Variants in IFNA6 observed in about 807,000 individuals in gnomAD.
IFNA6 encodes interferon alpha-6.
For missense variants in IFNA6, 235 were observed against 212.4 expected (o/e 1.11, Z -0.66); for synonymous variants, 96 against 79.2 (o/e 1.21, Z -1.13).
At chr9:21,350,637 A>G in exon 1 of IFNA6, 1 of 1,614,056 alleles carries the variant, frequency 6.2e-7, no homozygotes, top group South Asian at 1.1e-5. Flanking sequence ...GGTCTGCTGA[A>G]TCACCTCATG....
rs1489813267 is a variant in IFNA6, at chr9:21,350,571, T to C, written c.317A>G (p.Asp106Gly). Residue 106 changes from aspartate to glycine, a missense_variant, in exon 1 of 1, where the codon GAC becomes GGC. Physicochemically the swap from Asp to Gly is moderately conservative, Grantham distance 94 (BLOSUM62 -1). Transcript: ENST00000380210. The stretch of plus-strand genomic sequence containing the variant: ...CTGGTAAAGTTCAGTATAGAGTTTG[T>C]CTAGAAGCCTCTCATCCCAAGCAAC... 4 of 1,613,854 alleles carry C rather than the reference T, an allele frequency of 2.5e-6. No individual in the cohort carries two copies. In the Admixed American group the frequency reaches 5.0e-5, roughly 20 times the overall value.
At chr9:21,350,521 C>T (rs773906390) in exon 1 of IFNA6, 1 of 1,614,030 alleles carries the variant, frequency 6.2e-7, no homozygotes, top group South Asian at 1.1e-5. Flanking sequence ...TCCTGCATCA[C>T]ACAGGCTTCC....
exon 1 of IFNA6, chr9:21,350,868 A>G (rs1350425406): frequency 1.9e-6 from 3 of 1,613,762 alleles, no homozygotes; most frequent in Non-Finnish European, 2.5e-6. Flanking sequence ...GGCCATCAGT[A>G]AAGCAAAAGG....
At position 21,350,776 on chromosome 9, in the gene IFNA6, T is replaced by C. The variant is rs780824980; in HGVS notation, c.112A>G (p.Met38Val). The C allele has an allele frequency of 2.4e-5, 38 of 1,614,002 alleles. No individual in the cohort carries two copies. The East Asian group carries it at 7.4e-4, about 31-fold the overall frequency. Residue 38 changes from methionine (M) to valine (V), a missense_variant, in exon 1 of 1, where the codon ATG (methionine) becomes GTG (valine). Met to Val is a conservative substitution (Grantham distance 21, BLOSUM62 1). Transcript: ENST00000380210. ...CTCCTCATTTGTGCCAGGAGCATCA[T>C]GGTCCTCCTGTGACCCAGGCTGTGG...
chr9:21,350,630 C>A, exon 1 of IFNA6: 1 of 1,614,018 alleles, frequency 6.2e-7, no homozygotes, highest in Non-Finnish European at 8.5e-7. Context: ...GGTTGAAGGT[C>A]TGCTGAATCA....
exon 1 of IFNA6, chr9:21,350,454 T>A (rs1332778052): frequency 6.2e-7 from 1 of 1,614,038 alleles, no homozygotes; most frequent in South Asian, 1.1e-5. Context: ...TTGGAAGTAT[T>A]TTCTCACAGC....
chr9:21,350,365 A>G, exon 1 of IFNA6: 1 of 1,613,728 alleles, frequency 6.2e-7, no homozygotes, highest in Non-Finnish European at 8.5e-7. Context: ...GATGAAGAGA[A>G]GGATCTCATG....
exon 1 of IFNA6, chr9:21,350,434 G>A: frequency 6.2e-7 from 1 of 1,614,034 alleles, no homozygotes; most frequent in East Asian, 2.2e-5. Flanking sequence ...GTCAGGTAGA[G>A]AGTGATTCTT....
exon 1 of IFNA6, chr9:21,350,476 C>T (rs1820436154): frequency 6.2e-7 from 1 of 1,614,042 alleles, no homozygotes; most frequent in Non-Finnish European, 8.5e-7. Context: ...AGGATGGAGT[C>T]CTCATTCATC....
chr9:21,350,551 A>G, exon 1 of IFNA6: 1 of 1,613,984 alleles, frequency 6.2e-7, no homozygotes, highest in Non-Finnish European at 8.5e-7. Context: ...AGCTGCTGGT[A>G]AAGTTCAGTA....
At chr9:21,350,849 C>T in exon 1 of IFNA6, 1 of 1,613,878 alleles carries the variant, frequency 6.2e-7, no homozygotes, top group Non-Finnish European at 8.5e-7. Flanking sequence ...TGCAGCTGAG[C>T]ACCACCAGGG....
exon 1 of IFNA6, chr9:21,350,624 G>T: frequency 1.2e-6 from 2 of 1,614,034 alleles, no homozygotes; most frequent in Non-Finnish European, 1.7e-6. Context: ...TGAAGAGGTT[G>T]AAGGTCTGCT....
exon 1 of IFNA6, chr9:21,350,468 G>T: frequency 6.2e-7 from 1 of 1,614,042 alleles, no homozygotes. Context: ...TCACAGCCAG[G>T]ATGGAGTCCT....
At chr9:21,350,663 T>G (rs1041754588) in exon 1 of IFNA6, 21 of 1,613,904 alleles carry the variant, frequency 1.3e-5, no homozygotes, top group Non-Finnish European at 1.7e-5. Flanking sequence ...CAGAGATGGC[T>G]TCAGCCTTCT....
rs372927228 is a variant in IFNA6, at chr9:21,350,718, T to C, written c.170A>G (p.His57Arg). ...CTCCTCCTGGGGAAATCTGAAGTCA[T>C]GTCTGTCCTTCAGACAGGAGAAAAG... The change falls in exon 1 of 1, where the codon CAT becomes CGT. Residue 57 changes from histidine (H) to arginine (R), a missense_variant. Coordinates refer to ENST00000380210, the Ensembl canonical transcript of IFNA6. The C allele has an allele frequency of 2.2e-4, 357 of 1,613,924 alleles. 1 individual carries two copies. Among genetic ancestry groups the C allele is most frequent in the Non-Finnish European group, 2.7e-4 (320 of 1,179,978 alleles).
At chr9:21,350,562 T>G (rs775965956) in exon 1 of IFNA6, 1 of 1,613,968 alleles carries the variant, frequency 6.2e-7, no homozygotes, top group East Asian at 2.2e-5. Context: ...AAGTTCAGTA[T>G]AGAGTTTGTC....
exon 1 of IFNA6, chr9:21,350,489 G>C (rs370092473): frequency 6.2e-7 from 1 of 1,613,970 alleles, no homozygotes; most frequent in African/African-American, 1.3e-5. Context: ...CATTCATCAG[G>C]GGAGTCCCTC....
At chr9:21,350,793 A>C (rs1295067513) in exon 1 of IFNA6, 1 of 1,613,904 alleles carries the variant, frequency 6.2e-7, no homozygotes, top group African/African-American at 1.3e-5. Context: ...CCTGTGACCC[A>C]GGCTGTGGGT....
exon 1 of IFNA6, chr9:21,350,468 G>C (rs1448130700): frequency 1.2e-6 from 2 of 1,614,042 alleles, no homozygotes; most frequent in East Asian, 4.5e-5. Flanking sequence ...TCACAGCCAG[G>C]ATGGAGTCCT....
Sources: gnomAD v4.1 joint callset for allele counts on GRCh38, gnomAD v4.1.1 for gene constraint, MANE v1.5 for transcripts, NCBI Gene and HGNC (gene_info 2026-07-23, HGNC 2026-07-21) for gene names.